KIAA1217: variants seen among roughly 807,000 people sequenced by gnomAD.
The protein encoded by KIAA1217 is KIAA1217.
A neutral mutation model predicts 163.9 loss-of-function variants in KIAA1217; 88 were observed. The ratio of observed to expected loss-of-function variants is 0.54; its 90% CI spans 0.45 to 0.64. The LOEUF (loss-of-function observed/expected upper bound fraction) is 0.64, where lower values mean the gene tolerates loss of function less well. Among genes scored for constraint, KIAA1217 ranks in the 30% least tolerant of loss-of-function variants. The pLI is 0.00. For missense variants in KIAA1217, 2,372 were observed against 2,475.0 expected, an observed-to-expected ratio of 0.96 and a Z score of 0.88; for synonymous variants, 903 against 923.1, an observed-to-expected ratio of 0.98 and a Z score of 0.39.
intron 2 of KIAA1217, among the ~76,000 whole-genome samples, chr10:24,347,781 C>A (rs572079264): frequency 6.6e-6 from 1 of 152,208 alleles, no homozygotes; most frequent in Admixed American, 6.5e-5. Context: ...TTCCCCCCAG[C>A]TTTATTGAGT....
chr10:24,273,659 C>T (rs1005818068), intron 2 of KIAA1217, among the ~76,000 whole-genome samples: 2 of 151,990 alleles, frequency 1.3e-5, no homozygotes, highest in Non-Finnish European at 2.9e-5. Context: ...CGAGACCAGC[C>T]TGGCCAACAT....
intron 1 of KIAA1217, among the ~76,000 whole-genome samples, chr10:23,786,171 G>C (rs754254966): frequency 2.0e-4 from 31 of 152,106 alleles, no homozygotes; most frequent in Non-Finnish European, 3.1e-4. Flanking sequence ...AGTTCTTATG[G>C]GACTTCAGAG....
In KIAA1217 at chr10:24,474,000, T is replaced by C; in HGVS notation, c.1619T>C (p.Leu540Pro). The change falls in exon 6 of 21, where the codon CTA becomes CCA. Residue 540 changes from leucine (L) to proline (P), a missense_variant. This residue lies in a region of KIAA1217 where 1,431 missense variants were observed against 1,470.3 expected (regional missense o/e 0.97). Coordinates refer to ENST00000376454, the MANE Select transcript of KIAA1217 (RefSeq NM_019590.5). ...LSSLVDLGPP[L>P]MEKQVFAYST... ...AGCCTTGTAGACCTCGGCCCTCCTC[T>C]AATGGAGAAGCAAGTTTTTGCCTAC... 6.2e-7 allele frequency: 1 copy of C among 1,612,438 alleles called. No individual in the cohort carries two copies.
chr10:23,987,598 CTTAT>C (rs1846036575), intron 1 of KIAA1217, among the ~76,000 whole-genome samples: 1 of 134,518 alleles, frequency 7.4e-6, no homozygotes, highest in African/African-American at 3.5e-5. Flanking sequence ...ACCTCACATT[CTTAT>C]TTGTGTGTGT....
At chr10:24,526,113 T>TTCC (rs1276777605) in intron 13 of KIAA1217, among the ~76,000 whole-genome samples, 1 of 152,234 alleles carries the variant, frequency 6.6e-6, no homozygotes, top group Non-Finnish European at 1.5e-5. Context: ...CTCGTAACTT[T>TTCC]TCCTCCACTC....
chr10:23,779,933 C>G (rs1441386924), intron 1 of KIAA1217, among the ~76,000 whole-genome samples: 1 of 152,088 alleles, frequency 6.6e-6, no homozygotes, highest in Non-Finnish European at 1.5e-5. Context: ...ATAGGCAGTA[C>G]AGGTTTGTAG....
chr10:23,734,966 C>T (rs2130796522), intron 1 of KIAA1217, among the ~76,000 whole-genome samples: 1 of 152,192 alleles, frequency 6.6e-6, no homozygotes, highest in South Asian at 2.1e-4. Flanking sequence ...CACCCGCCAC[C>T]CTTTCCTTCC....
At chr10:24,319,595 T>C (rs2043869996) in intron 2 of KIAA1217, among the ~76,000 whole-genome samples, 1 of 152,174 alleles carries the variant, frequency 6.6e-6, no homozygotes. Context: ...CAAGGCCACG[T>C]GCACGTAGAG....
chr10:24,185,964 A>T (rs548285590), intron 2 of KIAA1217, among the ~76,000 whole-genome samples: 6 of 137,964 alleles, frequency 4.3e-5, no homozygotes, highest in African/African-American at 1.3e-4. Flanking sequence ...GCTCTGTATT[A>T]AAAAAAAAAA....
chr10:23,960,601 A>G (rs1189273877), intron 1 of KIAA1217, among the ~76,000 whole-genome samples: 2 of 152,246 alleles, frequency 1.3e-5, no homozygotes, highest in Non-Finnish European at 2.9e-5. Flanking sequence ...TTCACTCCAG[A>G]AATAGAAGAA....
chr10:23,880,148 A>G (rs993212324), intron 1 of KIAA1217, among the ~76,000 whole-genome samples: 9 of 151,882 alleles, frequency 5.9e-5, no homozygotes, highest in African/African-American at 2.2e-4. Context: ...GGAAAAATGA[A>G]TGAGTTTATT....
chr10:24,324,201 A>G (rs2044565421), intron 2 of KIAA1217, among the ~76,000 whole-genome samples: 3 of 151,502 alleles, frequency 2.0e-5, no homozygotes, highest in Non-Finnish European at 4.4e-5. Flanking sequence ...CCAGGAGGTA[A>G]AGGCTGCATT....
At chr10:24,344,781 A>C (rs898632480) in intron 2 of KIAA1217, among the ~76,000 whole-genome samples, 11 of 152,202 alleles carry the variant, frequency 7.2e-5, no homozygotes, top group African/African-American at 2.4e-4. Context: ...CGAGAAAATA[A>C]ATGAGATTTC....
intron 6 of KIAA1217, among the ~76,000 whole-genome samples, chr10:24,486,793 T>C (rs1200653074): frequency 1.3e-5 from 2 of 152,244 alleles, no homozygotes; most frequent in Non-Finnish European, 2.9e-5. Flanking sequence ...TTCCCAGATT[T>C]TTTTTTCTCC....
At chr10:23,852,891 TATC>T (rs1196959830) in intron 1 of KIAA1217, among the ~76,000 whole-genome samples, 1 of 152,234 alleles carries the variant, frequency 6.6e-6, no homozygotes, top group Non-Finnish European at 1.5e-5. Context: ...TGAAGTTGCT[TATC>T]AGCAGAAGGA....
At chr10:24,072,249 A>G (rs1323545716) in intron 2 of KIAA1217, among the ~76,000 whole-genome samples, 5 of 151,946 alleles carry the variant, frequency 3.3e-5, no homozygotes, top group Non-Finnish European at 5.9e-5. Context: ...GCTAGCCCCA[A>G]ACTCCTAGCC....
chr10:24,205,699 G>A (rs550413018), upstream of KIAA1217, among the ~76,000 whole-genome samples: 38 of 150,528 alleles, frequency 2.5e-4, no homozygotes, highest in East Asian at 1.2e-3. Flanking sequence ...CCTGAACCCA[G>A]AAGGTGGAGG....
At chr10:24,192,682 G>A (rs2066781988) in intron 2 of KIAA1217, among the ~76,000 whole-genome samples, 1 of 152,198 alleles carries the variant, frequency 6.6e-6, no homozygotes, top group South Asian at 2.1e-4. Context: ...AAATGCACAG[G>A]ACCCAATTCA....
At chr10:24,137,334 C>T (rs772452841) in intron 2 of KIAA1217, among the ~76,000 whole-genome samples, 2 of 152,312 alleles carry the variant, frequency 1.3e-5, no homozygotes, top group African/African-American at 4.8e-5. Flanking sequence ...AGTAGGCATG[C>T]TCTCACCTGC....
Sources: gnomAD v4.1 joint callset for allele counts (sites outside exome capture counted in the v4.1 genomes callset) on GRCh38, gnomAD v4.1.1 for gene constraint, gnomAD v4.1.1 regional missense constraint, MANE v1.5 for transcripts, NCBI Gene and HGNC (gene_info 2026-07-23, HGNC 2026-07-21) for gene names.